NDC1: variants seen among roughly 807,000 people sequenced by gnomAD.
NDC1 encodes nucleoporin NDC1.
In NDC1, 24 loss-of-function variants were observed where a neutral mutation model predicts 89.8. The observed-to-expected ratio is 0.27, with a 90% CI of 0.19 to 0.38. NDC1 has a LOEUF of 0.38. Ranked by LOEUF, NDC1 falls within the 10% of genes least tolerant of loss-of-function variation. The pLI is 1.00. For synonymous variants in NDC1, 296 were observed against 284.8 expected, an observed-to-expected ratio of 1.04 and a Z score of -0.39; for missense variants, 728 against 797.6, an observed-to-expected ratio of 0.91 and a Z score of 1.05.
rs369960654 is a variant in NDC1 at position 53,825,453 on chromosome 1, C to CAAAAAAAAAAAAAAAAAAAAA, written c.594+344_594+345insTTTTTTTTTTTTTTTTTTTTT. Among the ~76,000 whole-genome samples the CAAAAAAAAAAAAAAAAAAAAA allele has an allele frequency of 5.6e-4, 70 of 125,798 alleles. 3 individuals are homozygous for CAAAAAAAAAAAAAAAAAAAAA. Among genetic ancestry groups the CAAAAAAAAAAAAAAAAAAAAA allele is most frequent in the African/African-American group, 2.3e-3 (67 of 29,122 alleles). The allele number at this position is 125,798 out of a possible 152,430, so 82.5% of individuals were successfully genotyped here. A position where few individuals can be genotyped will look rare whatever the true frequency, so the allele number is the denominator to read the frequency against. On this transcript the variant is annotated intron_variant, in intron 5 of 17. Coordinates refer to ENST00000371429, the MANE Select transcript of NDC1 (RefSeq NM_018087.5). The stretch of plus-strand genomic sequence containing the variant: ...CTGGGCAAAGAAGCGAGACTGTCTC[C>CAAAAAAAAAAAAAAAAAAAAA]AAAAAAAAAGAAGCTACACAGAGTA...
chr1:53,807,696 C>G lies in NDC1; in HGVS notation c.851G>C (p.Trp284Ser). The change falls in exon 8 of 18, where the codon TGG becomes TCG. Residue 284 changes from tryptophan to serine, a missense_variant. Transcript: ENST00000371429. ...TTTGAAGAGTATCCATGAGACATAC[C>G]AAGTCGTCAGGAGAAAGACACCACA... ...WLCGVFLLTTWYVSWILFKIY... is the reference protein window; with the variant it reads ...WLCGVFLLTTSYVSWILFKIY... 3.1e-6 allele frequency: 5 copies of G among 1,613,222 alleles called. No homozygotes were observed. Among genetic ancestry groups the G allele is most frequent in the Non-Finnish European group, 4.2e-6 (5 of 1,179,496 alleles).
At chr1:53,786,162 G>A (rs1647300461) in intron 16 of NDC1, among the ~76,000 whole-genome samples, 1 of 152,102 alleles carries the variant, frequency 6.6e-6, no homozygotes, top group Non-Finnish European at 1.5e-5. Flanking sequence ...CTGAGCTCAG[G>A]TGATCTGCTC....
rs1648163855 is a variant in NDC1, at chr1:53,807,790, G to T, written c.757C>A (p.Gln253Lys). The T allele has an allele frequency of 6.3e-7, 1 of 1,591,812 alleles. No individual in the cohort carries two copies. Among genetic ancestry groups the T allele is most frequent in the South Asian group, 1.2e-5 (1 of 86,312 alleles). ...STAMNLHIDE[Q>K]VHRPLDTVSG... ...ACTGTGTCAAGTGGCCTATGAACCTGCCTGTGAATGCAGAAATTACTATTA... is the reference window on the plus strand; with the variant it reads ...ACTGTGTCAAGTGGCCTATGAACCTTCCTGTGAATGCAGAAATTACTATTA... Residue 253 changes from glutamine to lysine, a missense_variant and splice_region_variant, in exon 8 of 18, where the codon CAG (glutamine) becomes AAG (lysine). Physicochemically the swap from Gln to Lys is moderately conservative, Grantham distance 53. Coordinates refer to ENST00000371429, the MANE Select transcript of NDC1 (RefSeq NM_018087.5).
chr1:53,809,095 C>A (rs1478943665), intron 7 of NDC1, among the ~76,000 whole-genome samples: 1 of 152,182 alleles, frequency 6.6e-6, no homozygotes, highest in Non-Finnish European at 1.5e-5. Flanking sequence ...CAACTGATTA[C>A]CTGACCTTGC....
intron 9 of NDC1, 122 bp from the exon 10 acceptor site, chr1:53,804,131 A>AC: frequency 2.7e-6 from 2 of 728,028 alleles, no homozygotes; most frequent in Admixed American, 5.6e-5. Flanking sequence ...TGAAAAAAAA[A>AC]ATCTCAGAAC....
chr1:53,830,773 A>C (rs1649033971), intron 3 of NDC1, among the ~76,000 whole-genome samples: 1 of 151,760 alleles, frequency 6.6e-6, no homozygotes, highest in African/African-American at 2.4e-5. Context: ...GAGGTAGGAG[A>C]ATCGCTTGAA....
At chr1:53,771,600 G>A (rs1335928729) in intron 17 of NDC1, among the ~76,000 whole-genome samples, 4 of 152,200 alleles carry the variant, frequency 2.6e-5, no homozygotes, top group African/African-American at 7.2e-5. Context: ...TAGGGTGACT[G>A]ACAAATTGAA....
In NDC1 at chr1:53,838,232, G is replaced by A. The variant is rs756355903; in HGVS notation, c.30C>T (p.Ala10=). ...GCCACAGTATGTCCCGCGACCTGCC[G>A]GCGCAGGGCCGGCTCACGGCCGTGG... The part of the protein sequence containing the change: MATAVSRPC[A]GRSRDILWRV... The change falls in exon 1 of 18, where the codon GCC becomes GCT. Residue 10 remains alanine (A), a synonymous_variant. Transcript: ENST00000371429. The A allele has an allele frequency of 3.6e-5, 55 of 1,536,542 alleles. 1 individual carries two copies. The South Asian group carries it at 5.8e-4, about 16-fold the overall frequency.
intron 2 of NDC1, among the ~76,000 whole-genome samples, chr1:53,833,622 G>A (rs183459098): frequency 4.6e-5 from 7 of 151,328 alleles, no homozygotes; most frequent in African/African-American, 1.2e-4. Context: ...CTAAACGAGC[G>A]GAACTCAAAA....
At chr1:53,775,298 C>T (rs770302304) in intron 16 of NDC1, among the ~76,000 whole-genome samples, 7 of 152,046 alleles carry the variant, frequency 4.6e-5, no homozygotes, top group Non-Finnish European at 7.4e-5. Context: ...ACTCTGTCAC[C>T]CAGGCTGGAG....
intron 3 of NDC1, among the ~76,000 whole-genome samples, chr1:53,831,377 A>G (rs988573389): frequency 7.3e-6 from 1 of 137,780 alleles, no homozygotes; most frequent in Non-Finnish European, 1.5e-5. Context: ...ATTTTTTTTA[A>G]GTTTAAAAAA....
chr1:53,789,083 T>C lies in NDC1; in HGVS notation c.1699+50A>G, dbSNP rs754392980. The C allele has an allele frequency of 1.9e-5, 22 of 1,177,968 alleles. 1 individual carries two copies. The highest frequency in any genetic ancestry group is 2.7e-5 in the Non-Finnish European group (21 of 792,314). The allele number at this position is 1,177,968 out of a possible 1,614,324, so 73.0% of individuals were successfully genotyped here. The stretch of plus-strand genomic sequence containing the variant: ...TGACCTTTCATGAATTATACTTCAA[T>C]ATTTAACTGACAATTAAAATCATAG... On this transcript the variant is annotated intron_variant, in intron 15 of 17. Transcript: ENST00000371429.
In NDC1 at chr1:53,838,212, A is replaced by C. The variant is rs1423908413; in HGVS notation, c.50T>G (p.Leu17Arg). 9.1e-6 allele frequency: 14 copies of C among 1,535,444 alleles called. No individual in the cohort carries two copies. Among genetic ancestry groups the C allele is most frequent in the African/African-American group, 2.7e-5 (2 of 72,780 alleles). ...AGTGCACGCCGCACTCACGCGCCACAGTATGTCCCGCGACCTGCCGGCGCA... is the reference window on the plus strand; with the variant it reads ...AGTGCACGCCGCACTCACGCGCCACCGTATGTCCCGCGACCTGCCGGCGCA... Reference protein sequence around the residue: ...RPCAGRSRDILWRVLGWRIVA... With the variant: ...RPCAGRSRDIRWRVLGWRIVA... The change falls in exon 1 of 18, where the codon CTG becomes CGG. Residue 17 changes from leucine (L) to arginine (R), a missense_variant. By Grantham distance (102) the Leu-to-Arg change is moderately radical. Transcript: ENST00000371429.
chr1:53,836,092 G>T (rs941748714), intron 1 of NDC1, among the ~76,000 whole-genome samples: 4 of 152,158 alleles, frequency 2.6e-5, no homozygotes, highest in African/African-American at 9.7e-5. Context: ...ATTTACTGCT[G>T]AATAATACAA....
intron 3 of NDC1, among the ~76,000 whole-genome samples, chr1:53,830,216 G>A (rs2100693661): frequency 6.6e-6 from 1 of 152,002 alleles, no homozygotes; most frequent in African/African-American, 2.4e-5. Flanking sequence ...CACTTTGGGA[G>A]GTCAAGGCAA....
chr1:53,802,638 C>A (rs1055345547), intron 10 of NDC1, among the ~76,000 whole-genome samples: 1 of 152,198 alleles, frequency 6.6e-6, no homozygotes, highest in African/African-American at 2.4e-5. Context: ...GTGATCATGA[C>A]ACTGTACTCC....
chr1:53,796,870 T>A (rs924984238), intron 12 of NDC1, 29 bp downstream of exon 12: 4 of 1,608,024 alleles, frequency 2.5e-6, no homozygotes, highest in Non-Finnish European at 3.4e-6. Context: ...ACATGACATT[T>A]AAAATCTTAA....
At chr1:53,801,086 T>C (rs962874681) in intron 10 of NDC1, among the ~76,000 whole-genome samples, 1 of 124,784 alleles carries the variant, frequency 8.0e-6, no homozygotes, top group Admixed American at 8.3e-5. Context: ...ACCACACACA[T>C]ACCAAAAAAA....
chr1:53,802,875 T>A (rs2100658471), intron 10 of NDC1, among the ~76,000 whole-genome samples: 1 of 151,712 alleles, frequency 6.6e-6, no homozygotes, highest in East Asian at 1.9e-4. Context: ...TTCTTCCTAA[T>A]TTTTTTTTAA....
Sources: gnomAD v4.1 joint callset for allele counts (sites outside exome capture counted in the v4.1 genomes callset) on GRCh38, gnomAD v4.1.1 for gene constraint, MANE v1.5 for transcripts, NCBI Gene and HGNC (gene_info 2026-07-23, HGNC 2026-07-21) for gene names.